Variants in ROS1 observed in about 807,000 individuals in gnomAD.
ROS1 encodes ROS proto-oncogene 1, receptor tyrosine kinase.
Under a neutral mutation model 273.5 loss-of-function variants are expected in ROS1, and 263 were observed. The ratio of observed to expected loss-of-function variants is 0.96; its 90% CI spans 0.87 to 1.06. The LOEUF is 1.06. ROS1 is among the 50% of genes least tolerant of loss of function. The pLI is 0.00. For missense variants in ROS1, 2,833 were observed against 2,751.1 expected (o/e 1.03, Z -0.67); for synonymous variants, 1,008 against 954.1 (o/e 1.06, Z -1.04).
intron 27 of ROS1, among the ~76,000 whole-genome samples, chr6:117,350,741 T>C (rs1256400103): frequency 9.2e-5 from 14 of 151,512 alleles, no homozygotes; most frequent in Admixed American, 8.6e-4. Context: ...TGAGATATTT[T>C]CAAGCTCAGA....
At chr6:117,327,059 T>C (rs975139886) in intron 33 of ROS1, among the ~76,000 whole-genome samples, 1 of 152,230 alleles carries the variant, frequency 6.6e-6, no homozygotes, top group Admixed American at 6.5e-5. Flanking sequence ...TCTTCCATTA[T>C]GTCTTCTCTA....
intron 17 of ROS1, among the ~76,000 whole-genome samples, chr6:117,380,125 C>T (rs777820081): frequency 6.6e-6 from 1 of 152,052 alleles, no homozygotes; most frequent in Non-Finnish European, 1.5e-5. Flanking sequence ...AGCCTGATTT[C>T]GGAGCAGTGC....
chr6:117,394,079 A>G (rs1363160024), intron 11 of ROS1, 83 bp downstream of exon 11: 2 of 848,778 alleles, frequency 2.4e-6, no homozygotes, highest in Non-Finnish European at 3.5e-6. Context: ...GAATAAGGCA[A>G]TTGTGTTTAG....
At chr6:117,298,881 T>G (rs113723611) in intron 43 of ROS1, among the ~76,000 whole-genome samples, 200 of 152,306 alleles carry the variant, frequency 1.3e-3, no homozygotes, top group Non-Finnish European at 1.9e-3. Context: ...TTATCAAAAT[T>G]TTATTCAGAG....
chr6:117,352,769 T>C (rs1778978440), intron 27 of ROS1, among the ~76,000 whole-genome samples: 1 of 152,140 alleles, frequency 6.6e-6, no homozygotes, highest in African/African-American at 2.4e-5. Context: ...TTCCCATGTC[T>C]AAAGTTGCCC....
chr6:117,407,424 C>A (rs185260460), intron 5 of ROS1, among the ~76,000 whole-genome samples: 8 of 152,320 alleles, frequency 5.3e-5, no homozygotes, highest in African/African-American at 1.9e-4. Context: ...CCAACCTATG[C>A]TGAAATCAGG....
chr6:117,309,584 C>T (rs1399331193), intron 41 of ROS1, among the ~76,000 whole-genome samples: 1 of 152,126 alleles, frequency 6.6e-6, no homozygotes, highest in Non-Finnish European at 1.5e-5. Flanking sequence ...CAAACTTTTA[C>T]ATTTTGAGCT....
rs761155034 is a variant in ROS1, at chr6:117,288,650, C to T, written c.6868G>A (p.Glu2290Lys). Residue 2290 changes from glutamate (E) to lysine (K), a missense_variant, in exon 44 of 44, where the codon GAA becomes AAA. Transcript: ENST00000368507. Reference protein sequence around the residue: ...EKSEGPLGSQESESCGLRKEE... With the variant: ...EKSEGPLGSQKSESCGLRKEE... ...TTCCTCAGACCACAAGATTCAGATT[C>T]CTGGGAGCCTAGAGGACCCTCAGAC... 3 of 1,614,144 alleles carry T rather than the reference C, an allele frequency of 1.9e-6. No homozygotes were observed. Among genetic ancestry groups the T allele is most frequent in the Middle Eastern group, 1.6e-4 (1 of 6,062 alleles).
rs115174655 is a variant in ROS1 at position 117,349,328 on chromosome 6, C to T, written c.4303+3662G>A. Among the ~76,000 whole-genome samples the T allele has an allele frequency of 2.8e-3, 419 of 152,028 alleles. 2 individuals are homozygous for T. Among genetic ancestry groups the T allele is most frequent in the African/African-American group, 9.6e-3 (398 of 41,500 alleles). The stretch of plus-strand genomic sequence containing the variant: ...TGATCCCTTTATCATTATGTAATGT[C>T]CCTCTTTATCCCTTATAACTTTCCT... On this transcript the variant is annotated intron_variant, in intron 27 of 43. Coordinates refer to ENST00000368507, the MANE Select transcript of ROS1 (RefSeq NM_001378902.1).
rs2128622813 is a variant in ROS1 at position 117,341,633 on chromosome 6, C to T, written c.4652-1G>A. On this transcript the variant is annotated splice_acceptor_variant, in intron 29 of 43. Transcript: ENST00000368507. LOFTEE classifies it high-confidence loss of function. The stretch of plus-strand genomic sequence containing the variant: ...TTAATGAGCTGCACTGCCTCTGGTA[C>T]TGAAATAAATAGCAAGGAATGATAA... 1.2e-6 allele frequency: 2 copies of T among 1,606,142 alleles called. No individual in the cohort carries two copies. Among genetic ancestry groups the T allele is most frequent in the Non-Finnish European group, 1.7e-6 (2 of 1,173,146 alleles).
In ROS1 at chr6:117,341,437, A is replaced by G; in HGVS notation, c.4847T>C (p.Val1616Ala). 6.2e-7 allele frequency: 1 copy of G among 1,613,902 alleles called. No homozygotes were observed. The highest frequency in any genetic ancestry group is 8.5e-7 in the Non-Finnish European group (1 of 1,179,800). ...EFPNGRLTLL[V>A]TRLSGGNIYV... Reference sequence around the variant, plus strand: ...AATATTTCCACCAGACAGTCTAGTAACAAGGAGAGTGAGCCTTCCATTTGG... The same window carrying G: ...AATATTTCCACCAGACAGTCTAGTAGCAAGGAGAGTGAGCCTTCCATTTGG... Residue 1616 changes from valine (V) to alanine (A), a missense_variant, in exon 30 of 44, where the codon GTT becomes GCT. By Grantham distance (64) the Val-to-Ala change is moderately conservative. Coordinates refer to ENST00000368507, the MANE Select transcript of ROS1 (RefSeq NM_001378902.1).
chr6:117,320,420 C>G (rs923347308), intron 36 of ROS1, among the ~76,000 whole-genome samples: 17 of 152,086 alleles, frequency 1.1e-4, no homozygotes, highest in African/African-American at 4.1e-4. Flanking sequence ...AAGCTTTTCT[C>G]TTAGCTATTT....
intron 34 of ROS1, among the ~76,000 whole-genome samples, chr6:117,325,483 G>A (rs1404417990): frequency 6.6e-6 from 1 of 152,148 alleles, no homozygotes; most frequent in African/African-American, 2.4e-5. Context: ...GACCTCACAT[G>A]CCACAAAGAA....
rs997358663 is a variant in ROS1, at chr6:117,393,318, A to T, written c.1195T>A (p.Cys399Ser). The stretch of plus-strand genomic sequence containing the variant: ...GAGCAGTTCTCTAAATCACAGACAC[A>T]TACCTAAAAAAATAAAAAATATACC... Reference protein sequence around the residue: ...RMYFIMDELVCVCDLENCSNI... With the variant: ...RMYFIMDELVSVCDLENCSNI... Residue 399 changes from cysteine to serine, a missense_variant, in exon 12 of 44, where the codon TGT (cysteine) becomes AGT (serine). Transcript: ENST00000368507. 3 of 1,595,504 alleles carry T rather than the reference A, an allele frequency of 1.9e-6. No homozygotes were observed. The highest frequency in any genetic ancestry group is 1.7e-6 in the Non-Finnish European group (2 of 1,164,362).
chr6:117,351,258 C>T (rs999956121), intron 27 of ROS1, among the ~76,000 whole-genome samples: 3 of 152,176 alleles, frequency 2.0e-5, no homozygotes, highest in African/African-American at 7.2e-5. Context: ...AGGTGGGACA[C>T]GACGGCTGGA....
intron 31 of ROS1, 48 bp downstream of exon 31, chr6:117,341,087 T>G (rs774465381): frequency 1.6e-6 from 2 of 1,286,514 alleles, no homozygotes; most frequent in Admixed American, 4.4e-5. Flanking sequence ...AAAAGCCCTT[T>G]CCAATTTATT....
chr6:117,386,333 G>A (rs1668652218), intron 15 of ROS1, among the ~76,000 whole-genome samples: 1 of 152,140 alleles, frequency 6.6e-6, no homozygotes. Context: ...ACTTTTAATG[G>A]CCAAATAAAT....
intron 19 of ROS1, 120 bp from the exon 20 acceptor site, chr6:117,365,861 T>C: frequency 1.0e-6 from 1 of 954,836 alleles, no homozygotes; most frequent in Non-Finnish European, 1.5e-6. Context: ...AATTTTTCTT[T>C]TCTTTAACAT....
At chr6:117,380,915 T>C (rs1772077531) in intron 17 of ROS1, among the ~76,000 whole-genome samples, 1 of 152,170 alleles carries the variant, frequency 6.6e-6, no homozygotes, top group Non-Finnish European at 1.5e-5. Context: ...CACAAGTAAT[T>C]GGGCCTTTCT....
Sources: gnomAD v4.1 joint callset for allele counts (sites outside exome capture counted in the v4.1 genomes callset) on GRCh38, gnomAD v4.1.1 for gene constraint, MANE v1.5 for transcripts, NCBI Gene and HGNC (gene_info 2026-07-23, HGNC 2026-07-21) for gene names.